ARHGAP15: variants seen among roughly 807,000 people sequenced by gnomAD.
ARHGAP15 encodes Rho GTPase activating protein 15.
ARHGAP15 carries 51 observed loss-of-function variants against 63.7 expected under a neutral mutation model. The ratio of observed to expected loss-of-function variants is 0.80; its 90% confidence interval spans 0.64 to 1.01. The LOEUF (loss-of-function observed/expected upper bound fraction) is 1.01. ARHGAP15 is among the 50% of genes least tolerant of loss of function. The pLI, the probability that ARHGAP15 is intolerant of heterozygous loss-of-function variation, is 0.00. For missense variants in ARHGAP15, 560 were observed against 564.6 expected (o/e 0.99, Z 0.08); for synonymous variants, 191 against 193.8 (o/e 0.99, Z 0.12).
intron 3 of ARHGAP15, among the ~76,000 whole-genome samples, chr2:143,215,241 C>T (rs567753485): frequency 6.6e-6 from 1 of 152,182 alleles, no homozygotes; most frequent in South Asian, 2.1e-4. Context: ...GAAAGACCCT[C>T]TAATAAAAAG....
At chr2:143,332,556 G>T (rs573590119) in intron 6 of ARHGAP15, among the ~76,000 whole-genome samples, 4 of 152,140 alleles carry the variant, frequency 2.6e-5, no homozygotes, top group Non-Finnish European at 5.9e-5. Flanking sequence ...GCTTCCCAAT[G>T]CATGTGGCTT....
At chr2:143,433,570 G>A (rs1689478657) in intron 6 of ARHGAP15, among the ~76,000 whole-genome samples, 1 of 152,070 alleles carries the variant, frequency 6.6e-6, no homozygotes, top group East Asian at 1.9e-4. Flanking sequence ...AGCAATATAA[G>A]ATCCCCTTTG....
intron 11 of ARHGAP15, among the ~76,000 whole-genome samples, chr2:143,571,407 G>A (rs907920335): frequency 6.6e-6 from 1 of 152,130 alleles, no homozygotes; most frequent in African/African-American, 2.4e-5. Flanking sequence ...TTGTAAGAAA[G>A]CTACCCACTT....
chr2:143,568,654 C>A (rs1228361753), intron 11 of ARHGAP15, among the ~76,000 whole-genome samples: 1 of 152,156 alleles, frequency 6.6e-6, no homozygotes, highest in African/African-American at 2.4e-5. Flanking sequence ...CCAGTGATCC[C>A]ATTACTGGAT....
chr2:143,601,523 G>A (rs917182051), intron 11 of ARHGAP15: 2 of 152,124 alleles, frequency 1.3e-5, no homozygotes, highest in South Asian at 2.1e-4. Flanking sequence ...TAAAAGTTGA[G>A]CTCTATGATT....
At chr2:143,464,022 C>T (rs1204402801) in intron 8 of ARHGAP15, among the ~76,000 whole-genome samples, 1 of 152,174 alleles carries the variant, frequency 6.6e-6, no homozygotes, top group African/African-American at 2.4e-5. Flanking sequence ...GAAGACATCT[C>T]CATTCAACAG....
At chr2:143,756,180 A>T (rs1190056830) in intron 13 of ARHGAP15, among the ~76,000 whole-genome samples, 1 of 152,194 alleles carries the variant, frequency 6.6e-6, no homozygotes, top group Non-Finnish European at 1.5e-5. Context: ...TAAAAAGGAA[A>T]AACAAAAGAG....
intron 4 of ARHGAP15, among the ~76,000 whole-genome samples, chr2:143,217,734 GA>G (rs1347236600): frequency 3.3e-5 from 5 of 152,096 alleles, no homozygotes; most frequent in Non-Finnish European, 7.4e-5. Flanking sequence ...AGGGTACAAT[GA>G]TGCCTCTCCC....
chr2:143,228,365 C>T (rs1693301498), intron 4 of ARHGAP15, among the ~76,000 whole-genome samples: 1 of 152,034 alleles, frequency 6.6e-6, no homozygotes, highest in African/African-American at 2.4e-5. Context: ...TTAAGAAATT[C>T]TTACTATAAA....
Position 143,768,109 on chromosome 2 carries a change from G to C in ARHGAP15, c.1365G>C (p.Gln455His). ...ACATGGCGATCCACATGGTCTACCA[G>C]AACCAGATAGCTGAGCTCATGCTGA... ...TGNMAIHMVY[Q>H]NQIAELMLSE... Residue 455 changes from glutamine (Q) to histidine (H), a missense_variant, in exon 14 of 14, where the codon CAG (glutamine) becomes CAC (histidine). Transcript: ENST00000295095. 1.9e-6 allele frequency: 3 copies of C among 1,613,832 alleles called. No homozygotes were observed. The highest frequency in any genetic ancestry group is 2.5e-6 in the Non-Finnish European group (3 of 1,179,804).
chr2:143,539,056 A>C (rs1574601411), intron 10 of ARHGAP15, among the ~76,000 whole-genome samples: 2 of 152,066 alleles, frequency 1.3e-5, no homozygotes, highest in South Asian at 2.1e-4. Context: ...TCAATTTCAG[A>C]GCCTGTTATT....
At chr2:143,604,867 A>G (rs1372207932) in intron 11 of ARHGAP15, among the ~76,000 whole-genome samples, 1 of 152,120 alleles carries the variant, frequency 6.6e-6, no homozygotes, top group Non-Finnish European at 1.5e-5. Context: ...AATACCGTGC[A>G]TAGCATAATA....
chr2:143,241,516 G>A (rs1339918273), intron 5 of ARHGAP15, among the ~76,000 whole-genome samples: 1 of 152,176 alleles, frequency 6.6e-6, no homozygotes, highest in Non-Finnish European at 1.5e-5. Context: ...ATGAGGGAAG[G>A]GTAAAGGGAG....
At chr2:143,419,461 T>TATCATGACAAAATGTGGTAAC in intron 6 of ARHGAP15, among the ~76,000 whole-genome samples, 1 of 151,994 alleles carries the variant, frequency 6.6e-6, no homozygotes, top group African/African-American at 2.4e-5. Context: ...TGGGTTTATT[T>TATCATGACAAAATGTGGTAAC]AACTAAATTG....
At chr2:143,382,391 T>C (rs1010622656) in intron 6 of ARHGAP15, among the ~76,000 whole-genome samples, 4 of 152,118 alleles carry the variant, frequency 2.6e-5, no homozygotes, top group Non-Finnish European at 4.4e-5. Flanking sequence ...TGACAGTCCT[T>C]GGTGTGCAGC....
At chr2:143,293,810 C>T (rs552390693) in intron 6 of ARHGAP15, among the ~76,000 whole-genome samples, 102 of 152,084 alleles carry the variant, frequency 6.7e-4, no homozygotes, top group Non-Finnish European at 1.1e-3. Flanking sequence ...TATTCAAATC[C>T]AAGTTTAGGT....
At chr2:143,260,577 A>C (rs1205831966) in intron 6 of ARHGAP15, among the ~76,000 whole-genome samples, 3 of 152,166 alleles carry the variant, frequency 2.0e-5, no homozygotes, top group Admixed American at 6.5e-5. Flanking sequence ...AAGTCAGATA[A>C]CAAAGAACCA....
At chr2:143,704,658 G>C (rs1229896935) in intron 13 of ARHGAP15, among the ~76,000 whole-genome samples, 1 of 152,268 alleles carries the variant, frequency 6.6e-6, no homozygotes, top group East Asian at 1.9e-4. Flanking sequence ...AGAGTGCAAC[G>C]CAAGTTATGA....
chr2:143,428,907 G>A (rs1362705100), intron 6 of ARHGAP15, among the ~76,000 whole-genome samples: 2 of 152,052 alleles, frequency 1.3e-5, no homozygotes, highest in Non-Finnish European at 2.9e-5. Flanking sequence ...ATCTGTGGTT[G>A]GCAGGGAGTG....
Sources: allele counts gnomAD v4.1 joint callset (sites outside exome capture counted in the v4.1 genomes callset), GRCh38; gene constraint gnomAD v4.1.1; transcripts MANE v1.5; gene names NCBI Gene and HGNC (gene_info 2026-07-23, HGNC 2026-07-21).